Variants in CRELD1 observed in about 807,000 individuals in gnomAD.
CRELD1 encodes the protein protein disulfide isomerase CRELD1.
A neutral mutation model predicts 58.2 loss-of-function variants in CRELD1; 42 were observed. The observed-to-expected ratio is 0.72, with a 90% CI of 0.56 to 0.93. The LOEUF (loss-of-function observed/expected upper bound fraction) is 0.93, where lower values mean the gene tolerates loss of function less well. CRELD1 is among the 40% of genes least tolerant of loss of function. CRELD1 has a pLI of 0.00. For synonymous variants in CRELD1, 222 were observed against 202.0 expected (o/e 1.10, Z -0.84); for missense variants, 500 against 540.6 (o/e 0.92, Z 0.74).
Position 9,933,897 on chromosome 3 carries a change from C to T in CRELD1, c.-43C>T. The T allele has an allele frequency of 2.3e-6, 1 of 443,236 alleles. No homozygotes were observed. The highest frequency in any genetic ancestry group is 4.6e-5 in the East Asian group (1 of 21,880). 27.5% of individuals were successfully genotyped at this position (443,236 alleles called of 1,614,324 possible). ...CGCCCGCGGGCTGGGGCGGTCGCTTCTTCCTTCTCCGTGGCCTACGAGGGT... is the reference window on the plus strand; with the variant it reads ...CGCCCGCGGGCTGGGGCGGTCGCTTTTTCCTTCTCCGTGGCCTACGAGGGT... On this transcript the variant is annotated 5_prime_UTR_variant, in exon 1 of 11. Transcript: ENST00000452070.
In CRELD1 at chr3:9,943,411, C is replaced by T. The variant is rs749915183; in HGVS notation, c.944C>T (p.Pro315Leu). The change falls in exon 10 of 11, where the codon CCG becomes CTG. Residue 315 changes from proline (P) to leucine (L), a missense_variant. Transcript: ENST00000452070. ...GATGAGTGTGAGACAGAGGTGTGTC[C>T]GGGAGAGAACAAGCAGTGTGAAAAC... ...DVDECETEVC[P>L]GENKQCENTE... is the part of the protein sequence containing the mutation. The T allele has an allele frequency of 1.4e-5, 23 of 1,613,810 alleles. No homozygotes were observed. The highest frequency in any genetic ancestry group is 3.3e-5 in the South Asian group (3 of 91,070).
chr3:9,943,159 C>T lies in CRELD1; in HGVS notation c.900C>T (p.Gly300=). The part of the protein sequence containing the change: ...KKCSPGYQQV[G]SKCLDVDECE... ...GTAGCCCTGGCTATCAGCAGGTGGG[C>T]TCCAAGTGTCTCGGTGAGTCTCCTG... Residue 300 remains glycine, a synonymous_variant, in exon 9 of 11, where the codon GGC becomes GGT. Transcript: ENST00000452070. 4 of 1,612,940 alleles carry T rather than the reference C, an allele frequency of 2.5e-6. No homozygotes were observed. The highest frequency in any genetic ancestry group is 1.1e-5 in the South Asian group (1 of 91,074).
At chr3:9,934,059 C>G (rs1244533034) in intron 1 of CRELD1, 139 bp downstream of exon 1, 1 of 335,704 alleles carries the variant, frequency 3.0e-6, no homozygotes, top group East Asian at 7.4e-5. Context: ...CCAAGACAAC[C>G]CCTCTGGCCT....
Position 9,944,857 on chromosome 3 carries a change from C to T in CRELD1, c.*278C>T, listed in dbSNP as rs2085475993. On this transcript the variant is annotated 3_prime_UTR_variant, in exon 11 of 11. Transcript: ENST00000452070. ...AAAAGTTTTTCCTTAATGGTGGCTG[C>T]TAGAGCTTTGGCCCCTGCTTAGGAT... 2 of 475,986 alleles carry T rather than the reference C, an allele frequency of 4.2e-6. No individual in the cohort carries two copies. Among genetic ancestry groups the T allele is most frequent in the South Asian group, 4.1e-5 (2 of 48,700 alleles). The allele number at this position is 475,986 out of a possible 1,614,324, so 29.5% of individuals were successfully genotyped here.
chr3:9,934,820 A>T lies in CRELD1; in HGVS notation c.175-15A>T. 1 of 1,608,058 alleles carries T rather than the reference A, an allele frequency of 6.2e-7. No individual in the cohort carries two copies. The highest frequency in any genetic ancestry group is 8.5e-7 in the Non-Finnish European group (1 of 1,176,528). Reference sequence around the variant, plus strand: ...CAGGCACTGTACTTAGCTATTACTAATTTTCTGTTTCCAGGGCCTGGAGAG... The same window carrying T: ...CAGGCACTGTACTTAGCTATTACTATTTTTCTGTTTCCAGGGCCTGGAGAG... On this transcript the variant is annotated splice_polypyrimidine_tract_variant and intron_variant, in intron 2 of 10. Coordinates refer to ENST00000452070, the MANE Select transcript of CRELD1 (RefSeq NM_001077415.3).
In CRELD1 at chr3:9,937,644, G is replaced by C; in HGVS notation, c.340G>C (p.Glu114Gln). 6.2e-7 allele frequency: 1 copy of C among 1,610,138 alleles called. No individual in the cohort carries two copies. The highest frequency in any genetic ancestry group is 1.1e-5 in the South Asian group (1 of 89,804). Reference sequence around the variant, plus strand: ...CCACCGCCTGCTGGAGCTGAGTGAGGAGCTGGTGGAGAGCTGGTGGTTTCA... The same window carrying C: ...CCACCGCCTGCTGGAGCTGAGTGAGCAGCTGGTGGAGAGCTGGTGGTTTCA... Reference protein sequence around the residue: ...ECHRLLELSEELVESWWFHKQ... With the variant: ...ECHRLLELSEQLVESWWFHKQ... The change falls in exon 4 of 11, where the codon GAG becomes CAG. Residue 114 changes from glutamate to glutamine, a missense_variant. Glu to Gln is a conservative substitution (Grantham distance 29, BLOSUM62 2). Coordinates refer to ENST00000452070, the MANE Select transcript of CRELD1 (RefSeq NM_001077415.3).
chr3:9,934,029 C>T, intron 1 of CRELD1, 109 bp downstream of exon 1: 1 of 320,584 alleles, frequency 3.1e-6, no homozygotes, highest in Admixed American at 4.8e-5. Flanking sequence ...CCTCCAAGCC[C>T]GGGGTTCCGG....
In CRELD1 at chr3:9,941,187, G is replaced by C. The variant is rs1420104557; in HGVS notation, c.714G>C (p.Leu238=). The stretch of plus-strand genomic sequence containing the variant: ...TGCAATGCAAGAAGGGCTGGGCCCT[G>C]CATCACCTCAAGTGTGTAGGTAAGT... ...NCLQCKKGWA[L]HHLKCVDIDE... The change falls in exon 7 of 11, where the codon CTG becomes CTC. Residue 238 remains leucine, a synonymous_variant. Coordinates refer to ENST00000452070, the MANE Select transcript of CRELD1 (RefSeq NM_001077415.3). The C allele has an allele frequency of 6.2e-7, 1 of 1,614,040 alleles. No homozygotes were observed. Among genetic ancestry groups the C allele is most frequent in the East Asian group, 2.2e-5 (1 of 44,876 alleles).
At chr3:9,943,632 C>A in intron 10 of CRELD1, 117 bp downstream of exon 10, 1 of 1,585,502 alleles carries the variant, frequency 6.3e-7, no homozygotes. Context: ...CACCCAGCCC[C>A]CTGGAGGCTG....
At chr3:9,939,168 T>C (rs1169128706) in intron 5 of CRELD1, among the ~76,000 whole-genome samples, 1 of 150,392 alleles carries the variant, frequency 6.6e-6, no homozygotes, top group African/African-American at 2.5e-5. Flanking sequence ...AATAAATAAA[T>C]AAATAAATAA....
chr3:9,935,065 A>C, intron 3 of CRELD1, 148 bp downstream of exon 3: 1 of 654,030 alleles, frequency 1.5e-6, no homozygotes. Context: ...CAAGGCAAGC[A>C]AAATGCCCCC....
chr3:9,941,247 G>T, intron 7 of CRELD1, 41 bp downstream of exon 7: 1 of 1,563,236 alleles, frequency 6.4e-7, no homozygotes. Flanking sequence ...ATGGTCAGGG[G>T]CCTGGGCTTG....
At position 9,944,985 on chromosome 3, in the gene CRELD1, C is replaced by T; in HGVS notation, c.*406C>T. 1 of 264,286 alleles carries T rather than the reference C, an allele frequency of 3.8e-6. No homozygotes were observed. The highest frequency in any genetic ancestry group is 4.8e-5 in the South Asian group (1 of 20,892). 16.4% of individuals were successfully genotyped at this position (264,286 alleles called of 1,614,324 possible). Reference sequence around the variant, plus strand: ...ACCACATCCCCACACCCCATTGCCACTTATTTATTCATCTCAGGAAATAAA... The same window carrying T: ...ACCACATCCCCACACCCCATTGCCATTTATTTATTCATCTCAGGAAATAAA... On this transcript the variant is annotated 3_prime_UTR_variant, in exon 11 of 11. Transcript: ENST00000452070.
At chr3:9,940,292 G>A (rs1366226538) in intron 5 of CRELD1, among the ~76,000 whole-genome samples, 2 of 152,224 alleles carry the variant, frequency 1.3e-5, no homozygotes, top group South Asian at 4.1e-4. Flanking sequence ...CTGCAATCTC[G>A]GCACTTTGGG....
In CRELD1 at chr3:9,944,570, G is replaced by A. The variant is rs1244891177; in HGVS notation, c.1254G>A (p.Lys418=). The change falls in exon 11 of 11, where the codon AAG becomes AAA. Residue 418 remains lysine (K), a synonymous_variant. Transcript: ENST00000452070. ...ACCGTGTGCTGGAGGGCTTCATCAAGGGCAGATAATCGCGGCCACCACCTG... is the reference window on the plus strand; with the variant it reads ...ACCGTGTGCTGGAGGGCTTCATCAAAGGCAGATAATCGCGGCCACCACCTG... ...RSDRVLEGFI[K]GR The A allele has an allele frequency of 6.2e-7, 1 of 1,606,552 alleles. No individual in the cohort carries two copies. The highest frequency in any genetic ancestry group is 2.2e-5 in the East Asian group (1 of 44,858).
At chr3:9,942,402 G>A (rs575499954) in intron 7 of CRELD1, among the ~76,000 whole-genome samples, 1 of 152,190 alleles carries the variant, frequency 6.6e-6, no homozygotes, top group African/African-American at 2.4e-5. Flanking sequence ...GATTATTCCT[G>A]TAACTTACTG....
rs1402391232 is a variant in CRELD1, at chr3:9,943,464, G to A, written c.997G>A (p.Ala333Thr). The change falls in exon 10 of 11, where the codon GCC (alanine) becomes ACC (threonine). Residue 333 changes from alanine to threonine, a missense_variant. Ala to Thr is a moderately conservative substitution (Grantham distance 58). Transcript: ENST00000452070. ...CGAGGGCGGTTATCGCTGCATCTGT[G>A]CCGAGGGCTACAAGCAGATGGAAGG... ...NTEGGYRCICAEGYKQMEGIC... is the reference protein window; with the variant it reads ...NTEGGYRCICTEGYKQMEGIC... 3.1e-6 allele frequency: 5 copies of A among 1,614,102 alleles called. No individual in the cohort carries two copies. Among genetic ancestry groups the A allele is most frequent in the Non-Finnish European group, 3.4e-6 (4 of 1,180,008 alleles).
At chr3:9,934,121 C>T (rs2085089313) in intron 1 of CRELD1, 1 of 439,792 alleles carries the variant, frequency 2.3e-6, no homozygotes, top group Non-Finnish European at 4.2e-6. Flanking sequence ...TCTGCGGATC[C>T]GGCCCCTAAT....
Position 9,941,138 on chromosome 3 carries a change from C to T in CRELD1, c.665C>T (p.Ser222Leu). 1.2e-6 allele frequency: 2 copies of T among 1,614,208 alleles called. No homozygotes were observed. The highest frequency in any genetic ancestry group is 1.7e-6 in the Non-Finnish European group (2 of 1,180,040). The change falls in exon 7 of 11, where the codon TCA becomes TTA. Residue 222 changes from serine (S) to leucine (L), a missense_variant. Coordinates refer to ENST00000452070, the MANE Select transcript of CRELD1 (RefSeq NM_001077415.3). The part of the protein sequence containing the change: ...SACFGPCARC[S>L]GPEESNCLQC... Reference sequence around the variant, plus strand: ...TGTTTTGGCCCCTGTGCCCGATGCTCAGGACCTGAGGAATCAAACTGTTTG... The same window carrying T: ...TGTTTTGGCCCCTGTGCCCGATGCTTAGGACCTGAGGAATCAAACTGTTTG...
Sources: allele counts gnomAD v4.1 joint callset (sites outside exome capture counted in the v4.1 genomes callset), GRCh38; gene constraint gnomAD v4.1.1; transcripts MANE v1.5; gene names NCBI Gene and HGNC (gene_info 2026-07-23, HGNC 2026-07-21).